The following CALCR variants were observed in gnomAD, a reference collection of about 807,000 sequenced individuals.
CALCR encodes calcitonin receptor.
Under a neutral mutation model 59.5 loss-of-function variants are expected in CALCR, and 47 were observed. That is an observed-to-expected ratio of 0.79 (90% CI 0.63 to 1.01). The LOEUF (loss-of-function observed/expected upper bound fraction) is 1.01. CALCR is among the 50% of genes least tolerant of loss of function. CALCR has a pLI of 0.00. For missense variants in CALCR, 566 were observed against 597.1 expected (o/e 0.95, Z 0.54); for synonymous variants, 213 against 211.3 (o/e 1.01, Z -0.07).
chr7:93,558,954 C>G (rs1478075251), intron 2 of CALCR, among the ~76,000 whole-genome samples: 15 of 151,958 alleles, frequency 9.9e-5, no homozygotes, highest in Non-Finnish European at 4.4e-5. Context: ...TTTGACAAGC[C>G]CTTTGGGTGA....
chr7:93,469,570 G>GTC (rs572763198), intron 6 of CALCR, among the ~76,000 whole-genome samples: 6 of 150,246 alleles, frequency 4.0e-5, no homozygotes, highest in South Asian at 2.1e-4. Flanking sequence ...TGTGTTTCTG[G>GTC]TCTCTCTCTC....
intron 9 of CALCR, among the ~76,000 whole-genome samples, chr7:93,439,438 A>G (rs1172313608): frequency 6.6e-6 from 1 of 152,118 alleles, no homozygotes; most frequent in Non-Finnish European, 1.5e-5. Flanking sequence ...ATTAGAGAGA[A>G]AGAGAAGTAT....
chr7:93,454,198 G>A (rs1328336322), intron 8 of CALCR, among the ~76,000 whole-genome samples: 1 of 151,902 alleles, frequency 6.6e-6, no homozygotes, highest in African/African-American at 2.4e-5. Context: ...TCCACCCTGG[G>A]TTTTGTCTTC....
intron 2 of CALCR, among the ~76,000 whole-genome samples, chr7:93,532,540 A>C (rs1459614078): frequency 6.6e-6 from 1 of 152,042 alleles, no homozygotes; most frequent in Non-Finnish European, 1.5e-5. Context: ...AGTAATGAGA[A>C]AGCTACATAA....
At position 93,483,183 on chromosome 7, in the gene CALCR, C is replaced by T. The variant is rs150683245; in HGVS notation, c.52-3676G>A. Among the ~76,000 whole-genome samples the T allele has an allele frequency of 4.3e-3, 653 of 151,784 alleles. 19 individuals are homozygous for T. The South Asian group carries it at 0.054, about 13-fold the overall frequency. ...TTCATATAAAATGGTGTAGTATTTG[C>T]ATATAACCTATGTACATCCTCCTGT... On this transcript the variant is annotated intron_variant, in intron 3 of 13. Transcript: ENST00000426151.
intron 2 of CALCR, among the ~76,000 whole-genome samples, chr7:93,538,617 TTTTTTG>T (rs375922520): frequency 2.9e-4 from 44 of 152,088 alleles, no homozygotes; most frequent in Admixed American, 9.2e-4. Flanking sequence ...ACTTAACCTG[TTTTTTG>T]TTTTTGTTTT....
intron 7 of CALCR, among the ~76,000 whole-genome samples, chr7:93,462,477 A>G (rs1800357383): frequency 6.6e-6 from 1 of 152,168 alleles, no homozygotes. Context: ...GCTCGTTTAT[A>G]CTGAATAAAC....
intron 7 of CALCR, among the ~76,000 whole-genome samples, chr7:93,462,557 C>A (rs1800358666): frequency 6.6e-6 from 1 of 152,092 alleles, no homozygotes; most frequent in Admixed American, 6.6e-5. Flanking sequence ...GTCACAACAG[C>A]AATTTATAAT....
intron 2 of CALCR, among the ~76,000 whole-genome samples, chr7:93,561,011 T>A (rs542065143): frequency 1.3e-5 from 2 of 152,184 alleles, no homozygotes; most frequent in African/African-American, 4.8e-5. Flanking sequence ...TTTCCTACAT[T>A]ATTTACAATC....
At chr7:93,520,081 A>C (rs890269160) in intron 2 of CALCR, among the ~76,000 whole-genome samples, 4 of 152,098 alleles carry the variant, frequency 2.6e-5, no homozygotes, top group East Asian at 3.9e-4. Flanking sequence ...TTTGAAGAAG[A>C]AGCAACTATT....
chr7:93,470,549 T>C (rs1227420524), intron 6 of CALCR, among the ~76,000 whole-genome samples: 2 of 151,682 alleles, frequency 1.3e-5, no homozygotes, highest in Non-Finnish European at 2.9e-5. Context: ...GTACTCCTTT[T>C]AAAAACATTT....
chr7:93,473,233 C>T (rs934150010), intron 5 of CALCR, among the ~76,000 whole-genome samples: 5 of 151,806 alleles, frequency 3.3e-5, no homozygotes, highest in Non-Finnish European at 7.4e-5. Flanking sequence ...ATGGGGGTGC[C>T]AGGCACTGTG....
chr7:93,444,789 T>C (rs1396558813), intron 8 of CALCR, among the ~76,000 whole-genome samples: 1 of 152,104 alleles, frequency 6.6e-6, no homozygotes, highest in Non-Finnish European at 1.5e-5. Context: ...GTTATTTGCA[T>C]TACTATTATT....
At chr7:93,507,898 G>T (rs1381188218) in intron 2 of CALCR, among the ~76,000 whole-genome samples, 3 of 151,526 alleles carry the variant, frequency 2.0e-5, no homozygotes, top group Non-Finnish European at 4.4e-5. Flanking sequence ...ACTCCATCCT[G>T]GGTGACAGAG....
At chr7:93,432,942 G>A (rs540587695) in intron 13 of CALCR, among the ~76,000 whole-genome samples, 155 of 152,164 alleles carry the variant, frequency 1.0e-3, no homozygotes, top group African/African-American at 3.5e-3. Context: ...CTCTAACAGC[G>A]GGCAATGGAA....
chr7:93,481,028 G>A (rs1436892789), intron 3 of CALCR, among the ~76,000 whole-genome samples: 1 of 151,802 alleles, frequency 6.6e-6, no homozygotes, highest in African/African-American at 2.4e-5. Context: ...GTCACTTTGA[G>A]CAGGTTAGCA....
Position 93,528,655 on chromosome 7 carries a change from T to C in CALCR, c.-26-41648A>G, listed in dbSNP as rs143375859. ...AAATAGATTTTATTCAAAAATGTAA[T>C]ATAATCTTAAAGGACTTTGATAGAT... On this transcript the variant is annotated intron_variant, in intron 2 of 13. Coordinates refer to ENST00000426151, the MANE Select transcript of CALCR (RefSeq NM_001742.4). Among the ~76,000 whole-genome samples the C allele has an allele frequency of 4.5e-3, 688 of 152,356 alleles. 19 individuals carry two copies. Among genetic ancestry groups the C allele is most frequent in the Admixed American group, 0.042 (645 of 15,294 alleles).
chr7:93,474,904 C>A (rs1237659763), intron 5 of CALCR, among the ~76,000 whole-genome samples: 1 of 151,620 alleles, frequency 6.6e-6, no homozygotes, highest in Non-Finnish European at 1.5e-5. Flanking sequence ...ATGTGGAAAT[C>A]AGAATCATAT....
At chr7:93,452,069 A>G (rs1259819508) in intron 8 of CALCR, among the ~76,000 whole-genome samples, 1 of 151,950 alleles carries the variant, frequency 6.6e-6, no homozygotes, top group Non-Finnish European at 1.5e-5. Context: ...GTTATTGGGT[A>G]CTATGCTCAC....
Sources: allele counts gnomAD v4.1 joint callset (sites outside exome capture counted in the v4.1 genomes callset), GRCh38; gene constraint gnomAD v4.1.1; transcripts MANE v1.5; gene names NCBI Gene and HGNC (gene_info 2026-07-23, HGNC 2026-07-21).